Variants in ITGB6 observed in about 807,000 individuals in gnomAD.
ITGB6 encodes integrin beta-6.
In ITGB6, 80 loss-of-function variants were observed where a neutral mutation model predicts 84.5. The ratio of observed to expected loss-of-function variants is 0.95; its 90% confidence interval spans 0.79 to 1.14. The LOEUF is 1.14. ITGB6 is among the 50% of genes most tolerant of loss of function. ITGB6 has a pLI of 0.00. For missense variants in ITGB6, 1,006 were observed against 968.0 expected (o/e 1.04, Z -0.52); for synonymous variants, 383 against 354.9 (o/e 1.08, Z -0.89).
intron 13 of ITGB6, among the ~76,000 whole-genome samples, chr2:160,108,591 A>C (rs1326558860): frequency 6.6e-6 from 1 of 152,164 alleles, no homozygotes; most frequent in African/African-American, 2.4e-5. Context: ...TTTTCTGATG[A>C]TACCAATAAG....
chr2:160,147,427 A>G (rs1684240212), intron 7 of ITGB6, among the ~76,000 whole-genome samples: 1 of 152,244 alleles, frequency 6.6e-6, no homozygotes, highest in Admixed American at 6.5e-5. Flanking sequence ...TTATAGATTT[A>G]ATGCAATGCC....
intron 12 of ITGB6, among the ~76,000 whole-genome samples, 171 bp downstream of exon 12, chr2:160,123,620 G>C (rs777359674): frequency 6.6e-6 from 1 of 152,162 alleles, no homozygotes; most frequent in Non-Finnish European, 1.5e-5. Context: ...GAGACATCAA[G>C]TTTCTAGTCT....
intron 7 of ITGB6, among the ~76,000 whole-genome samples, chr2:160,155,288 G>T (rs1212201707): frequency 6.6e-6 from 1 of 152,308 alleles, no homozygotes; most frequent in Non-Finnish European, 1.5e-5. Context: ...ATGAGTGGTT[G>T]CCAGAGGTTG....
intron 12 of ITGB6, among the ~76,000 whole-genome samples, chr2:160,115,085 C>T (rs1404533461): frequency 6.6e-6 from 1 of 152,182 alleles, no homozygotes; most frequent in Non-Finnish European, 1.5e-5. Flanking sequence ...CACAGACAAA[C>T]AAAAAGACAG....
Position 160,153,394 on chromosome 2 carries a change from G to A in ITGB6, c.1018-11323C>T, listed in dbSNP as rs1684502835. Among the ~76,000 whole-genome samples, 6 of 152,276 alleles carry A rather than the reference G, an allele frequency of 3.9e-5. No homozygotes were observed. The South Asian group carries it at 1.2e-3, about 32-fold the overall frequency. On this transcript the variant is annotated intron_variant, in intron 7 of 14. Coordinates refer to ENST00000283249, the MANE Select transcript of ITGB6 (RefSeq NM_000888.5). ...AAAACTGGCTAGCCATATGTAGAAA[G>A]CTGAAATTGGATCCCTTCCTTACAC...
intron 8 of ITGB6, 120 bp downstream of exon 8, chr2:160,141,862 C>G: frequency 1.6e-6 from 1 of 626,022 alleles, no homozygotes; most frequent in Non-Finnish European, 2.8e-6. Context: ...CATGCAGAGA[C>G]TTTTTTTGGA....
intron 4 of ITGB6, among the ~76,000 whole-genome samples, chr2:160,181,791 G>A (rs1255182611): frequency 6.6e-6 from 1 of 152,316 alleles, no homozygotes; most frequent in East Asian, 1.9e-4. Context: ...CCAGAGGAAG[G>A]AACAGGCAGC....
chr2:160,163,983 A>T (rs1299620935), intron 7 of ITGB6, among the ~76,000 whole-genome samples: 4 of 152,182 alleles, frequency 2.6e-5, no homozygotes, highest in African/African-American at 9.7e-5. Context: ...CAACACCATG[A>T]TATTGTTAGC....
chr2:160,129,418 G>A (rs1374629085), intron 10 of ITGB6, among the ~76,000 whole-genome samples: 1 of 143,492 alleles, frequency 7.0e-6, no homozygotes, highest in Non-Finnish European at 1.5e-5. Context: ...AAAGAAATGT[G>A]CATTAGGCAT....
At chr2:160,118,501 G>A (rs1682882566) in intron 12 of ITGB6, among the ~76,000 whole-genome samples, 1 of 151,996 alleles carries the variant, frequency 6.6e-6, no homozygotes, top group Non-Finnish European at 1.5e-5. Context: ...ATTAGGTATT[G>A]ATGGGACGTA....
At chr2:160,144,500 T>A (rs1684115628) in intron 7 of ITGB6, among the ~76,000 whole-genome samples, 1 of 152,148 alleles carries the variant, frequency 6.6e-6, no homozygotes, top group Non-Finnish European at 1.5e-5. Context: ...TCCACTTAAG[T>A]GAAGCTGGAA....
intron 2 of ITGB6, among the ~76,000 whole-genome samples, chr2:160,198,021 C>T (rs1686409479): frequency 2.0e-5 from 3 of 152,216 alleles, no homozygotes; most frequent in South Asian, 4.1e-4. Context: ...TCAGCAGCAA[C>T]TTAGGAAACT....
chr2:160,182,834 T>A (rs1685739085), intron 4 of ITGB6, among the ~76,000 whole-genome samples: 1 of 152,180 alleles, frequency 6.6e-6, no homozygotes, highest in Admixed American at 6.5e-5. Flanking sequence ...TAGGGGCCAA[T>A]ATTCAACATT....
chr2:160,179,599 G>A (rs963404778), intron 4 of ITGB6, among the ~76,000 whole-genome samples: 1 of 149,472 alleles, frequency 6.7e-6, no homozygotes, highest in African/African-American at 2.5e-5. Context: ...CACCGTGTTG[G>A]CCAGGCTGGT....
intron 4 of ITGB6, among the ~76,000 whole-genome samples, chr2:160,189,644 C>T (rs1262395714): frequency 6.6e-6 from 1 of 152,008 alleles, no homozygotes; most frequent in East Asian, 1.9e-4. Flanking sequence ...CAAATCAAAA[C>T]CACAATGAGA....
intron 4 of ITGB6, among the ~76,000 whole-genome samples, chr2:160,183,369 A>G (rs1685764513): frequency 6.6e-6 from 1 of 152,236 alleles, no homozygotes; most frequent in South Asian, 2.1e-4. Context: ...ACTTTAAACC[A>G]ACAAAGATCA....
At chr2:160,104,452 G>A (rs1377888148) in intron 14 of ITGB6, among the ~76,000 whole-genome samples, 2 of 152,174 alleles carry the variant, frequency 1.3e-5, no homozygotes, top group Non-Finnish European at 2.9e-5. Flanking sequence ...CTCAGAAAAG[G>A]TCAGTTTTCC....
chr2:160,172,747 A>T lies in ITGB6; in HGVS notation c.760-17T>A, dbSNP rs1302872612. ...AATTTTTTCCTACAGTGAGAAAGAA[A>T]CATTTGTGTGATATTGGAGGGAGGC... On this transcript the variant is annotated splice_polypyrimidine_tract_variant and intron_variant, in intron 5 of 14. Transcript: ENST00000283249. 2.5e-6 allele frequency: 4 copies of T among 1,583,064 alleles called. No individual in the cohort carries two copies. Among genetic ancestry groups the T allele is most frequent in the Non-Finnish European group, 2.6e-6 (3 of 1,153,822 alleles).
intron 4 of ITGB6, among the ~76,000 whole-genome samples, chr2:160,194,737 C>T (rs58430965): frequency 0.031 from 4,770 of 152,004 alleles, 217 homozygotes; most frequent in African/African-American, 0.1. Flanking sequence ...ACAGGTAAGC[C>T]GTCACAAAGC....
Sources: gnomAD v4.1 joint callset for allele counts (sites outside exome capture counted in the v4.1 genomes callset) on GRCh38, gnomAD v4.1.1 for gene constraint, MANE v1.5 for transcripts, NCBI Gene and HGNC (gene_info 2026-07-23, HGNC 2026-07-21) for gene names.